FARS2: variants seen among roughly 807,000 people sequenced by gnomAD.
FARS2 encodes phenylalanine--tRNA ligase, mitochondrial.
A neutral mutation model predicts 46.4 loss-of-function variants in FARS2; 40 were observed. The observed-to-expected ratio is 0.86, with a 90% CI of 0.67 to 1.12. FARS2 has a LOEUF of 1.12. Among genes scored for constraint, FARS2 ranks in the 50% most tolerant of loss-of-function variants. FARS2 has a pLI of 0.00. For synonymous variants in FARS2, 234 were observed against 214.9 expected, an observed-to-expected ratio of 1.09 and a Z score of -0.78; for missense variants, 513 against 567.9, an observed-to-expected ratio of 0.90 and a Z score of 0.98.
intron 6 of FARS2, among the ~76,000 whole-genome samples, chr6:5,754,173 TGAAACTG>T (rs1762090872): frequency 6.6e-6 from 1 of 152,222 alleles, no homozygotes; most frequent in Admixed American, 6.5e-5. Context: ...TTAAAGGTGA[TGAAACTG>T]AGGATTAGAA....
At chr6:5,585,400 A>C (rs1428241792) in intron 5 of FARS2, among the ~76,000 whole-genome samples, 1 of 152,176 alleles carries the variant, frequency 6.6e-6, no homozygotes, top group Non-Finnish European at 1.5e-5. Flanking sequence ...TAGTAACCAT[A>C]CTGTGTATTA....
intron 2 of FARS2, among the ~76,000 whole-genome samples, chr6:5,377,475 T>C (rs541398891): frequency 3.3e-5 from 5 of 152,354 alleles, no homozygotes; most frequent in African/African-American, 1.2e-4. Flanking sequence ...TACTTCCTCC[T>C]GAATTTAAGA....
intron 4 of FARS2, among the ~76,000 whole-genome samples, chr6:5,531,755 C>T (rs554854687): frequency 3.9e-5 from 6 of 152,182 alleles, no homozygotes; most frequent in Non-Finnish European, 5.9e-5. Flanking sequence ...GGCGAGTCTC[C>T]GAGGAAGCAG....
At chr6:5,609,084 T>G (rs759019752) in intron 5 of FARS2, 47 of 602,450 alleles carry the variant, frequency 7.8e-5, no homozygotes, top group Non-Finnish European at 1.2e-4. Flanking sequence ...CCCATACACA[T>G]GAGTATTTGT....
rs1388273750 is a variant in FARS2, at chr6:5,261,520, C to T, written c.-162C>T. 2 of 152,028 alleles carry T rather than the reference C, an allele frequency of 1.3e-5. No homozygotes were observed. Among genetic ancestry groups the T allele is most frequent in the Admixed American group, 1.3e-4 (2 of 15,258 alleles). 9.4% of individuals were successfully genotyped at this position (152,028 alleles called of 1,614,324 possible). ...CGTAGGGGCCTCTGGGGCAGGCCCGCTTTCTGTCAAAATGGCAGCGCCCAG... is the reference window on the plus strand; with the variant it reads ...CGTAGGGGCCTCTGGGGCAGGCCCGTTTTCTGTCAAAATGGCAGCGCCCAG... On this transcript the variant is annotated 5_prime_UTR_variant, in exon 1 of 7. Transcript: ENST00000274680.
intron 5 of FARS2, among the ~76,000 whole-genome samples, chr6:5,601,507 A>G (rs1774512294): frequency 7.6e-6 from 1 of 131,544 alleles, no homozygotes; most frequent in Admixed American, 8.2e-5. Context: ...CTGGGCAACG[A>G]GAGTGAAACT....
chr6:5,412,548 C>G (rs528753397), intron 3 of FARS2, among the ~76,000 whole-genome samples: 52 of 152,308 alleles, frequency 3.4e-4, no homozygotes, highest in Non-Finnish European at 6.3e-4. Flanking sequence ...ATGTCCTGGT[C>G]AGGAGTGAAA....
chr6:5,414,820 T>TC (rs1261439767), intron 3 of FARS2, among the ~76,000 whole-genome samples: 1,711 of 138,528 alleles, frequency 0.012, 40 homozygotes, highest in African/African-American at 0.043. Context: ...TGTTTTTTTT[T>TC]TTTTTTTTTT....
intron 1 of FARS2, among the ~76,000 whole-genome samples, chr6:5,346,072 C>G (rs1757211613): frequency 6.6e-6 from 1 of 152,202 alleles, no homozygotes; most frequent in Non-Finnish European, 1.5e-5. Context: ...CCACCTCACC[C>G]TGACTATCAG....
intron 4 of FARS2, among the ~76,000 whole-genome samples, chr6:5,453,676 T>C (rs1348958153): frequency 6.6e-6 from 1 of 152,200 alleles, no homozygotes; most frequent in Non-Finnish European, 1.5e-5. Flanking sequence ...TTTTATCTTT[T>C]ACACCAGTCG....
intron 6 of FARS2, among the ~76,000 whole-genome samples, chr6:5,732,479 T>TC (rs1423910487): frequency 6.6e-6 from 1 of 152,032 alleles, no homozygotes; most frequent in East Asian, 1.9e-4. Flanking sequence ...TCTGACCCGT[T>TC]CCCCCAGCTT....
chr6:5,319,380 T>G (rs951223772), intron 1 of FARS2, among the ~76,000 whole-genome samples: 1 of 152,114 alleles, frequency 6.6e-6, no homozygotes, highest in African/African-American at 2.4e-5. Context: ...AAGGGAAAAA[T>G]GCCTCAAATG....
intron 1 of FARS2, among the ~76,000 whole-genome samples, chr6:5,338,913 A>G (rs770095765): frequency 5.9e-5 from 9 of 152,046 alleles, no homozygotes; most frequent in Admixed American, 2.0e-4. Context: ...CCCTCAATAT[A>G]CTGTTATTTT....
At chr6:5,360,653 C>T (rs1431773641) in intron 1 of FARS2, among the ~76,000 whole-genome samples, 1 of 152,096 alleles carries the variant, frequency 6.6e-6, no homozygotes, top group Non-Finnish European at 1.5e-5. Flanking sequence ...TAAGAATAAC[C>T]CCCAAGTATT....
intron 5 of FARS2, among the ~76,000 whole-genome samples, chr6:5,549,916 C>T (rs148674439): frequency 1.7e-3 from 265 of 152,200 alleles, no homozygotes; most frequent in Non-Finnish European, 2.6e-3. Flanking sequence ...AACTCAAAAT[C>T]CAAAATGTCA....
chr6:5,282,028 A>G (rs756780993), intron 1 of FARS2, among the ~76,000 whole-genome samples: 6 of 152,248 alleles, frequency 3.9e-5, no homozygotes, highest in Non-Finnish European at 8.8e-5. Flanking sequence ...AAAAAGAATC[A>G]GTAACTGTTA....
intron 3 of FARS2, among the ~76,000 whole-genome samples, chr6:5,419,087 C>T (rs1032556415): frequency 6.6e-6 from 1 of 151,950 alleles, no homozygotes; most frequent in African/African-American, 2.4e-5. Flanking sequence ...CTCTCTGTGT[C>T]TTTTTTGGTC....
At chr6:5,497,586 A>G (rs1390584798) in intron 4 of FARS2, among the ~76,000 whole-genome samples, 3 of 152,244 alleles carry the variant, frequency 2.0e-5, no homozygotes, top group African/African-American at 7.2e-5. Context: ...TCACACCTTC[A>G]GTTAAAAGCC....
chr6:5,679,495 CCCT>C (rs1337981971), intron 6 of FARS2, among the ~76,000 whole-genome samples: 1 of 152,108 alleles, frequency 6.6e-6, no homozygotes, highest in African/African-American at 2.4e-5. Context: ...GGCTTCAAGA[CCCT>C]CCTCCATCAC....
Sources: allele counts gnomAD v4.1 joint callset (sites outside exome capture counted in the v4.1 genomes callset), GRCh38; gene constraint gnomAD v4.1.1; transcripts MANE v1.5; gene names NCBI Gene and HGNC (gene_info 2026-07-23, HGNC 2026-07-21).